GRM5: variants seen among roughly 807,000 people sequenced by gnomAD.
GRM5 encodes glutamate metabotropic receptor 5.
In GRM5, 19 loss-of-function variants were observed where a neutral mutation model predicts 83.1. That is an observed-to-expected ratio of 0.23 (90% CI 0.16 to 0.34). GRM5 has a LOEUF of 0.34. GRM5 is among the 10% of genes least tolerant of loss of function. The pLI, the probability that GRM5 is intolerant of heterozygous loss-of-function variation, is 1.00. For missense variants in GRM5, 1,160 were observed against 1,588.3 expected, an observed-to-expected ratio of 0.73 and a Z score of 4.58; for synonymous variants, 675 against 633.6, an observed-to-expected ratio of 1.07 and a Z score of -0.98.
chr11:88,595,482 T>A (rs745348569), intron 6 of GRM5, among the ~76,000 whole-genome samples: 15 of 152,198 alleles, frequency 9.9e-5, no homozygotes, highest in Admixed American at 2.0e-4. Context: ...CTTGCACATA[T>A]AAGTGAGAAC....
At chr11:88,592,292 AC>A (rs557321947) in intron 6 of GRM5, among the ~76,000 whole-genome samples, 211 of 152,348 alleles carry the variant, frequency 1.4e-3, no homozygotes, top group Non-Finnish European at 2.3e-3. Context: ...ATTAAATAAA[AC>A]AACACAGTGA....
At chr11:88,536,156 C>G (rs911656249) in intron 8 of GRM5, among the ~76,000 whole-genome samples, 1 of 152,090 alleles carries the variant, frequency 6.6e-6, no homozygotes, top group Non-Finnish European at 1.5e-5. Context: ...AGTACTGAAG[C>G]CTTATAACTA....
At chr11:89,049,830 T>C (rs964904999) in intron 1 of GRM5, among the ~76,000 whole-genome samples, 2 of 152,212 alleles carry the variant, frequency 1.3e-5, no homozygotes, top group Admixed American at 6.5e-5. Flanking sequence ...AGATTTTTCA[T>C]TGGCAAGTCA....
chr11:88,907,753 C>T (rs909028704), intron 2 of GRM5, among the ~76,000 whole-genome samples: 5 of 152,054 alleles, frequency 3.3e-5, no homozygotes, highest in African/African-American at 1.2e-4. Context: ...CTTCTCTATG[C>T]CTCAGTGTTT....
At chr11:88,698,521 G>T (rs1351174410) in intron 3 of GRM5, among the ~76,000 whole-genome samples, 4 of 152,048 alleles carry the variant, frequency 2.6e-5, no homozygotes, top group Non-Finnish European at 5.9e-5. Flanking sequence ...TTGTTACCTT[G>T]CTAGCACAAT....
At chr11:88,866,745 C>A (rs1487314992) in intron 2 of GRM5, among the ~76,000 whole-genome samples, 1 of 152,008 alleles carries the variant, frequency 6.6e-6, no homozygotes, top group Non-Finnish European at 1.5e-5. Flanking sequence ...CTTTTGTTGC[C>A]TTTGCTGTTG....
chr11:88,695,587 T>C (rs1940883710), intron 3 of GRM5, among the ~76,000 whole-genome samples: 1 of 152,228 alleles, frequency 6.6e-6, no homozygotes, highest in South Asian at 2.1e-4. Flanking sequence ...TCTAACAAGA[T>C]GACTTAGATT....
chr11:88,521,372 G>A (rs551657342), intron 9 of GRM5, among the ~76,000 whole-genome samples: 2 of 152,216 alleles, frequency 1.3e-5, no homozygotes, highest in East Asian at 1.9e-4. Flanking sequence ...AGCCAAGATC[G>A]CACCATTGCA....
chr11:89,047,196 T>G lies in GRM5; in HGVS notation c.661+16A>C. The G allele has an allele frequency of 6.3e-7, 1 of 1,580,680 alleles. No individual in the cohort carries two copies. Among genetic ancestry groups the G allele is most frequent in the East Asian group, 2.2e-5 (1 of 44,478 alleles). Reference sequence around the variant, plus strand: ...TGCATAATAATATATACTCGATGTATGCAAAGGAAACTTACCTTCTGTGTG... The same window carrying G: ...TGCATAATAATATATACTCGATGTAGGCAAAGGAAACTTACCTTCTGTGTG... On this transcript the variant is annotated intron_variant, in intron 2 of 9. Transcript: ENST00000305447. The surrounding 1 kb of genome is among the most constrained non-coding windows in gnomAD (Gnocchi z 5.1).
rs58232495 is a variant in GRM5, at chr11:88,765,395, GAAAAAAAA to G, written c.911+84503_911+84510del. On this transcript the variant is annotated intron_variant, in intron 3 of 9. Coordinates refer to ENST00000305447, the MANE Select transcript of GRM5 (RefSeq NM_001143831.3). ...TGAGCTCAAATAGCCAAGACAATTT[GAAAAAAAA>G]AAAAAAAAAAAACAAAGTGGAAGGA... Among the ~76,000 whole-genome samples the G allele has an allele frequency of 3.5e-4, 43 of 123,436 alleles. No individual in the cohort carries two copies. The East Asian group carries it at 9.5e-3, about 27-fold the overall frequency. The allele number at this position is 123,436 out of a possible 152,430, so 81.0% of individuals were successfully genotyped here.
Position 88,509,150 on chromosome 11 carries a change from G to A in GRM5, c.3081C>T (p.His1027=). 6.5e-7 allele frequency: 1 copy of A among 1,539,230 alleles called. No individual in the cohort carries two copies. Residue 1027 remains histidine, a synonymous_variant, in exon 10 of 10, where the codon CAC becomes CAT. Transcript: ENST00000305447. The part of the protein sequence containing the change: ...RSPSPISTLS[H]RAGSASRTDD... ...CCGTGCGGCTGGCCGAGCCCGCGCGGTGGCTCAGCGTGCTGATGGGCGACG... is the reference window on the plus strand; with the variant it reads ...CCGTGCGGCTGGCCGAGCCCGCGCGATGGCTCAGCGTGCTGATGGGCGACG...
chr11:88,956,888 T>G, intron 2 of GRM5, among the ~76,000 whole-genome samples: 1 of 152,196 alleles, frequency 6.6e-6, no homozygotes, highest in Non-Finnish European at 1.5e-5. Flanking sequence ...GCCTATTTCT[T>G]CATCTGTAAA....
chr11:88,695,525 A>G (rs1940881110), intron 3 of GRM5, among the ~76,000 whole-genome samples: 1 of 152,216 alleles, frequency 6.6e-6, no homozygotes, highest in African/African-American at 2.4e-5. Flanking sequence ...TAAGTCCTCT[A>G]GATCCCAAGT....
intron 2 of GRM5, among the ~76,000 whole-genome samples, chr11:88,850,908 T>C (rs547789983): frequency 6.6e-6 from 1 of 152,262 alleles, no homozygotes; most frequent in East Asian, 1.9e-4. Context: ...GTCAGCTATA[T>C]GCCAGGACAC....
chr11:88,509,591 C>T (rs1476598956), intron 9 of GRM5, 87 bp from the exon 10 acceptor site: 2 of 900,692 alleles, frequency 2.2e-6, no homozygotes, highest in African/African-American at 3.4e-5. Context: ...TGCTCATGGG[C>T]CCCGGACTGG....
At chr11:88,675,141 A>C (rs2135337502) in intron 3 of GRM5, among the ~76,000 whole-genome samples, 1 of 152,010 alleles carries the variant, frequency 6.6e-6, no homozygotes, top group Non-Finnish European at 1.5e-5. Flanking sequence ...TTTTATTCTA[A>C]GTCTTCTGTG....
chr11:88,550,331 C>T (rs76978927), intron 8 of GRM5, among the ~76,000 whole-genome samples: 2,312 of 152,172 alleles, frequency 0.015, 57 homozygotes, highest in African/African-American at 0.053. Flanking sequence ...TGTACCTGAC[C>T]ACTTTCTAAA....
At chr11:88,804,498 G>A (rs1427094013) in intron 3 of GRM5, among the ~76,000 whole-genome samples, 1 of 151,484 alleles carries the variant, frequency 6.6e-6, no homozygotes, top group African/African-American at 2.4e-5. Flanking sequence ...AGAACACATG[G>A]ACACAGGAAG....
chr11:88,692,914 C>A (rs2135362216), intron 3 of GRM5, among the ~76,000 whole-genome samples: 1 of 152,198 alleles, frequency 6.6e-6, no homozygotes, highest in East Asian at 1.9e-4. Context: ...GGCAATTCTC[C>A]TAATGGGAAC....
Sources: allele counts gnomAD v4.1 joint callset (sites outside exome capture counted in the v4.1 genomes callset), GRCh38; gene constraint gnomAD v4.1.1; non-coding constraint Gnocchi (gnomAD v3.1); transcripts MANE v1.5; gene names NCBI Gene and HGNC (gene_info 2026-07-23, HGNC 2026-07-21).